Variants in KCNN3 observed in about 807,000 individuals in gnomAD.
The protein encoded by KCNN3 is small conductance calcium-activated potassium channel protein 3.
Under a neutral mutation model 62.9 loss-of-function variants are expected in KCNN3, and 16 were observed. The observed-to-expected ratio is 0.25, with a 90% CI of 0.17 to 0.39. The LOEUF (loss-of-function observed/expected upper bound fraction) is 0.39, where lower values mean the gene tolerates loss of function less well. Ranked by LOEUF, KCNN3 falls within the 10% of genes least tolerant of loss-of-function variation. KCNN3 has a pLI of 1.00. For missense variants in KCNN3, 599 were observed against 949.4 expected (o/e 0.63, Z 4.85); for synonymous variants, 370 against 389.2 (o/e 0.95, Z 0.58).
chr1:154,768,813 G>C (rs1648413378), intron 3 of KCNN3, among the ~76,000 whole-genome samples: 1 of 152,128 alleles, frequency 6.6e-6, no homozygotes, highest in Non-Finnish European at 1.5e-5. Context: ...CAGGAGGCTA[G>C]TATGATAACA....
intron 1 of KCNN3, among the ~76,000 whole-genome samples, chr1:154,836,169 G>T (rs987564403): frequency 6.6e-6 from 1 of 152,168 alleles, no homozygotes; most frequent in African/African-American, 2.4e-5. Context: ...TGCAAACAAG[G>T]ACACCCAGCA....
At chr1:154,829,283 C>T (rs1412525266) in intron 1 of KCNN3, among the ~76,000 whole-genome samples, 1 of 152,236 alleles carries the variant, frequency 6.6e-6, no homozygotes, top group Non-Finnish European at 1.5e-5. Flanking sequence ...GGAGAAAACC[C>T]ACAAGTGGTT....
At chr1:154,782,882 T>C (rs1348268434) in intron 2 of KCNN3, among the ~76,000 whole-genome samples, 1 of 152,148 alleles carries the variant, frequency 6.6e-6, no homozygotes, top group Non-Finnish European at 1.5e-5. Context: ...AGGCACTCTA[T>C]TTGGGGGCTG....
At chr1:154,799,585 C>T (rs994445885) in intron 2 of KCNN3, among the ~76,000 whole-genome samples, 2 of 152,180 alleles carry the variant, frequency 1.3e-5, no homozygotes, top group Non-Finnish European at 2.9e-5. Context: ...TGTCCCCTCC[C>T]CTGCATAGGG....
At chr1:154,806,472 G>A (rs929069998) in intron 2 of KCNN3, among the ~76,000 whole-genome samples, 2 of 152,334 alleles carry the variant, frequency 1.3e-5, no homozygotes, top group South Asian at 2.1e-4. Context: ...TACAGAGGAG[G>A]AAACAGACTC....
intron 7 of KCNN3, among the ~76,000 whole-genome samples, chr1:154,710,928 A>G (rs1700061137): frequency 1.3e-5 from 2 of 152,230 alleles, no homozygotes; most frequent in African/African-American, 4.8e-5. Context: ...TGTGGAAGTC[A>G]GTGTGGAGAT....
intron 4 of KCNN3, among the ~76,000 whole-genome samples, chr1:154,730,094 G>C (rs1239650592): frequency 2.0e-5 from 3 of 152,232 alleles, no homozygotes; most frequent in African/African-American, 7.2e-5. Context: ...AGGTTGCACT[G>C]TCATTTCCAA....
At chr1:154,847,394 G>A (rs1373351289) in intron 1 of KCNN3, among the ~76,000 whole-genome samples, 6 of 152,198 alleles carry the variant, frequency 3.9e-5, no homozygotes, top group Admixed American at 6.5e-5. Flanking sequence ...ATGCCATCAC[G>A]GAGGAAGGCA....
At chr1:154,867,654 A>G (rs918535379) in intron 1 of KCNN3, among the ~76,000 whole-genome samples, 4 of 151,864 alleles carry the variant, frequency 2.6e-5, no homozygotes, top group Non-Finnish European at 5.9e-5. Flanking sequence ...TGCCTGAAAC[A>G]AGCTCTATTT....
intron 2 of KCNN3, among the ~76,000 whole-genome samples, chr1:154,802,867 C>T (rs952581066): frequency 6.6e-6 from 1 of 152,284 alleles, no homozygotes. Flanking sequence ...CTGGCTGTCA[C>T]TGTTAGGCTC....
chr1:154,786,963 G>C (rs1649309602), intron 2 of KCNN3, among the ~76,000 whole-genome samples: 1 of 152,146 alleles, frequency 6.6e-6, no homozygotes, highest in Admixed American at 6.5e-5. Flanking sequence ...TTTCTGTGTA[G>C]AGCTTCAAAT....
intron 2 of KCNN3, among the ~76,000 whole-genome samples, chr1:154,792,732 T>C (rs532324947): frequency 2.6e-5 from 4 of 152,318 alleles, no homozygotes; most frequent in African/African-American, 4.8e-5. Context: ...AAATGAAATC[T>C]GGACCTATTC....
At chr1:154,805,770 T>C (rs140400647) in intron 2 of KCNN3, among the ~76,000 whole-genome samples, 236 of 152,326 alleles carry the variant, frequency 1.5e-3, no homozygotes, top group African/African-American at 5.5e-3. Context: ...TAGCCTCAGT[T>C]TCCTCATCTA....
At chr1:154,723,389 C>G (rs1700398408) in intron 5 of KCNN3, among the ~76,000 whole-genome samples, 1 of 152,152 alleles carries the variant, frequency 6.6e-6, no homozygotes, top group South Asian at 2.1e-4. Flanking sequence ...TAAAAAGCTA[C>G]CTTAGATTCA....
chr1:154,744,691 A>G (rs901650454), intron 3 of KCNN3, among the ~76,000 whole-genome samples: 1 of 152,174 alleles, frequency 6.6e-6, no homozygotes, highest in African/African-American at 2.4e-5. Context: ...TCAACTTCTA[A>G]TTATCAAGTA....
Position 154,714,925 on chromosome 1 carries a change from G to C in KCNN3, c.1780C>G (p.His594Asp). 1 of 1,613,684 alleles carries C rather than the reference G, an allele frequency of 6.2e-7. No individual in the cohort carries two copies. Among genetic ancestry groups the C allele is most frequent in the Non-Finnish European group, 8.5e-7 (1 of 1,179,752 alleles). The change falls in exon 6 of 8, where the codon CAT becomes GAT. Residue 594 changes from histidine to aspartate, a missense_variant. Physicochemically the swap from His to Asp is moderately conservative, Grantham distance 81. This residue lies in a region of KCNN3 where 288 missense variants were observed against 557.4 expected (regional missense o/e 0.52). Transcript: ENST00000271915. Reference sequence around the variant, plus strand: ...CTCTGGTGTTTCCTCACTTTGGCATGGTCAATCTTCTTTAGCAGCTTTGTG... The same window carrying C: ...CTCTGGTGTTTCCTCACTTTGGCATCGTCAATCTTCTTTAGCAGCTTTGTG... ...KHTKLLKKIDHAKVRKHQRKF... is the reference protein window; with the variant it reads ...KHTKLLKKIDDAKVRKHQRKF...
Position 154,703,445 on chromosome 1 carries a change from T to C in KCNN3, c.*4531A>G, listed in dbSNP as rs189253783. On this transcript the variant is annotated 3_prime_UTR_variant, in exon 8 of 8. Coordinates refer to ENST00000271915, the MANE Select transcript of KCNN3 (RefSeq NM_002249.6). Reference sequence around the variant, plus strand: ...CTGAAATCAAACCCTGCAGAGTCAATAGGGATCCTTCATCTGCTTCTAGCA... The same window carrying C: ...CTGAAATCAAACCCTGCAGAGTCAACAGGGATCCTTCATCTGCTTCTAGCA... 1.3e-5 allele frequency: 2 copies of C among 152,256 alleles called. No individual in the cohort carries two copies. Among genetic ancestry groups the C allele is most frequent in the East Asian group, 1.9e-4 (1 of 5,182 alleles). The allele number at this position is 152,256 out of a possible 1,614,324, so 9.4% of individuals were successfully genotyped here. A position where few individuals can be genotyped will look rare whatever the true frequency, so the allele number is the denominator to read the frequency against.
intron 3 of KCNN3, among the ~76,000 whole-genome samples, chr1:154,742,395 C>G (rs185410517): frequency 1.2e-4 from 18 of 152,316 alleles, no homozygotes; most frequent in Admixed American, 3.3e-4. Flanking sequence ...TGTTTGAATC[C>G]GGGCTTTGCA....
At position 154,704,259 on chromosome 1, in the gene KCNN3, C is replaced by G. The variant is rs1007508351; in HGVS notation, c.*3717G>C. On this transcript the variant is annotated 3_prime_UTR_variant, in exon 8 of 8. Transcript: ENST00000271915. The stretch of plus-strand genomic sequence containing the variant: ...CGGTCAGTGGTGACTTGGGGCCTTC[C>G]CCCCTTGTTCTTTTGGATTGTATTA... The G allele has an allele frequency of 6.6e-6, 1 of 152,184 alleles. No individual in the cohort carries two copies. Among genetic ancestry groups the G allele is most frequent in the Admixed American group, 6.5e-5 (1 of 15,276 alleles). 9.4% of individuals were successfully genotyped at this position (152,184 alleles called of 1,614,324 possible). A position where few individuals can be genotyped will look rare whatever the true frequency, so the allele number is the denominator to read the frequency against.
Sources: gnomAD v4.1 joint callset for allele counts (sites outside exome capture counted in the v4.1 genomes callset) on GRCh38, gnomAD v4.1.1 for gene constraint, gnomAD v4.1.1 regional missense constraint, MANE v1.5 for transcripts, NCBI Gene and HGNC (gene_info 2026-07-23, HGNC 2026-07-21) for gene names.